Variants in SYDE2 observed in about 807,000 individuals in gnomAD.
The protein encoded by SYDE2 is synapse defective Rho GTPase homolog 2.
SYDE2 carries 76 observed loss-of-function variants against 91.5 expected under a neutral mutation model. The ratio of observed to expected loss-of-function variants is 0.83; its 90% CI spans 0.69 to 1.01. The LOEUF is 1.01. Among genes scored for constraint, SYDE2 ranks in the 50% least tolerant of loss-of-function variants. SYDE2 has a pLI of 0.00. For missense variants in SYDE2, 1,364 were observed against 1,367.7 expected, an observed-to-expected ratio of 1.00 and a Z score of 0.04; for synonymous variants, 513 against 506.4, an observed-to-expected ratio of 1.01 and a Z score of -0.18.
intron 1 of SYDE2, among the ~76,000 whole-genome samples, chr1:85,195,447 T>C (rs1211271921): frequency 6.6e-6 from 1 of 152,098 alleles, no homozygotes; most frequent in Non-Finnish European, 1.5e-5. Context: ...TCTGTGTGTG[T>C]ATATGTGTGT....
At chr1:85,163,632 T>G (rs1399338274) in intron 6 of SYDE2, among the ~76,000 whole-genome samples, 2 of 151,576 alleles carry the variant, frequency 1.3e-5, no homozygotes, top group African/African-American at 2.4e-5. Flanking sequence ...AGGTTAAAGT[T>G]TTTGTCGTAG....
chr1:85,180,812 CTG>C (rs566258430), intron 3 of SYDE2, among the ~76,000 whole-genome samples: 82 of 151,982 alleles, frequency 5.4e-4, no homozygotes, highest in Middle Eastern at 3.4e-3. Flanking sequence ...AGAAAATAGA[CTG>C]TAAAAATATA....
At position 85,182,163 on chromosome 1, in the gene SYDE2, T is replaced by C. The variant is rs1379812050; in HGVS notation, c.2479A>G (p.Ile827Val). 3 of 1,605,474 alleles carry C rather than the reference T, an allele frequency of 1.9e-6. No individual in the cohort carries two copies. Among genetic ancestry groups the C allele is most frequent in the South Asian group, 1.1e-5 (1 of 89,486 alleles). The change falls in exon 3 of 7, where the codon ATA becomes GTA. Residue 827 changes from isoleucine to valine, a missense_variant. Coordinates refer to ENST00000341460, the MANE Select transcript of SYDE2 (RefSeq NM_032184.2). ...ATCAGAAGGGGCACCATCAGTCCTA[T>C]ATTTTCTTTCTCTACAACTTTTTGA... ...DIQKVVEKEN[I>V]GLMVPLLIQK...
In SYDE2 at chr1:85,159,091, T is replaced by G. The variant is rs780950048; in HGVS notation, c.3244A>C (p.Ser1082Arg). Residue 1082 changes from serine (S) to arginine (R), a missense_variant, in exon 7 of 7, where the codon AGT becomes CGT. Ser to Arg is a moderately radical substitution (Grantham distance 110). Transcript: ENST00000341460. ...CCTGCATAACGATTGCTAAGTGGAC[T>G]GTCTAATCGGTTTTGCCTTGGCCTA... ...VLRPRQNRLD[S>R]PLSNRYAGDW... 1.9e-5 allele frequency: 15 copies of G among 780,784 alleles called. No individual in the cohort carries two copies. The highest frequency in any genetic ancestry group is 1.4e-5 in the Non-Finnish European group (6 of 417,980). The allele number at this position is 780,784 out of a possible 1,614,324, so 48.4% of individuals were successfully genotyped here.
chr1:85,160,473 T>C (rs923297434), intron 6 of SYDE2: 7 of 958,118 alleles, frequency 7.3e-6, no homozygotes, highest in East Asian at 1.2e-4. Context: ...AATTTCTTGA[T>C]CTAAAATTTT....
chr1:85,191,228 T>C (rs1302015441), intron 1 of SYDE2, among the ~76,000 whole-genome samples: 3 of 152,152 alleles, frequency 2.0e-5, no homozygotes, highest in Non-Finnish European at 4.4e-5. Context: ...TTACTAATAT[T>C]AAAATGTCAA....
At position 85,200,896 on chromosome 1, in the gene SYDE2, G is replaced by A. The variant is rs749770743; in HGVS notation, c.101C>T (p.Ser34Phe). The A allele has an allele frequency of 4.0e-4, 535 of 1,333,832 alleles. No homozygotes were observed. In the Middle Eastern group the frequency reaches 7.3e-3, roughly 18 times the overall value. The allele number at this position is 1,333,832 out of a possible 1,614,324, so 82.6% of individuals were successfully genotyped here. A position where few individuals can be genotyped will look rare whatever the true frequency, so the allele number is the denominator to read the frequency against. ...GGCTCGGCGGTACGCGGCGCCGCGG[G>A]AAGGCGGCTGGCCCGGAGCCCGGGC... ...AGARAPGQPP[S>F]RGAAYRRACP... The change falls in exon 1 of 7, where the codon TCC (serine) becomes TTC (phenylalanine). Residue 34 changes from serine to phenylalanine, a missense_variant. Ser to Phe is a radical substitution (Grantham distance 155). Transcript: ENST00000341460.
Position 85,166,898 on chromosome 1 carries a change from T to G in SYDE2, c.2854-2141A>C, listed in dbSNP as rs185585041. On this transcript the variant is annotated intron_variant, in intron 5 of 6. Transcript: ENST00000341460. ...ACTAAATAAGATAAGCCAAAAAATG[T>G]AATTGTCATGTTCCTTTTGAAAATT... is the stretch of plus-strand genomic sequence containing the variant. 2.6e-5 allele frequency among the ~76,000 whole-genome samples: 4 copies of G among 152,260 alleles called. No homozygotes were observed. In the East Asian group the frequency reaches 7.7e-4, roughly 29 times the overall value.
chr1:85,198,650 T>G (rs1658692110), intron 1 of SYDE2, among the ~76,000 whole-genome samples: 1 of 152,216 alleles, frequency 6.6e-6, no homozygotes, highest in Non-Finnish European at 1.5e-5. Flanking sequence ...GGAACTATAT[T>G]TATTACTTTA....
chr1:85,200,229 A>T, intron 1 of SYDE2, 23 bp downstream of exon 1: 1 of 1,613,628 alleles, frequency 6.2e-7, no homozygotes, highest in Non-Finnish European at 8.5e-7. Flanking sequence ...CGGTGCTAGC[A>T]TTTTCATCGC....
intron 1 of SYDE2, among the ~76,000 whole-genome samples, chr1:85,196,100 C>T (rs1658575223): frequency 6.6e-6 from 1 of 152,186 alleles, no homozygotes; most frequent in Non-Finnish European, 1.5e-5. Context: ...ATAGAGGGAA[C>T]TGCTCAAATG....
rs534667398 is a variant in SYDE2, at chr1:85,187,783, G to A, written c.1441+2274C>T. Among the ~76,000 whole-genome samples, 1,197 of 149,246 alleles carry A rather than the reference G, an allele frequency of 8.0e-3. 5 individuals are homozygous for A. The highest frequency in any genetic ancestry group is 0.034 in the Middle Eastern group (10 of 292). ...TCTCAAGGACAAAAAACCAAACACC[G>A]CATGTTCTCACTCATAGGTGGGAAT... On this transcript the variant is annotated intron_variant, in intron 2 of 6. Coordinates refer to ENST00000341460, the MANE Select transcript of SYDE2 (RefSeq NM_032184.2).
chr1:85,178,355 A>G, intron 3 of SYDE2, 83 bp from the exon 4 acceptor site: 3 of 1,270,958 alleles, frequency 2.4e-6, no homozygotes, highest in Admixed American at 2.6e-5. Context: ...GAACTTTGCA[A>G]TCAAATATGT....
intron 1 of SYDE2, among the ~76,000 whole-genome samples, chr1:85,199,322 T>A (rs567740623): frequency 6.6e-6 from 1 of 152,318 alleles, no homozygotes; most frequent in East Asian, 1.9e-4. Flanking sequence ...TTGGCTCACT[T>A]TGAAGATATT....
intron 2 of SYDE2, among the ~76,000 whole-genome samples, chr1:85,185,282 A>G (rs1050241472): frequency 6.7e-6 from 1 of 148,866 alleles, no homozygotes; most frequent in African/African-American, 2.4e-5. Flanking sequence ...ATTTATGAGA[A>G]GAATGACAGT....
At chr1:85,161,725 C>CAAAA (rs60732181) in intron 6 of SYDE2, among the ~76,000 whole-genome samples, 3 of 83,356 alleles carry the variant, frequency 3.6e-5, no homozygotes, top group Non-Finnish European at 5.3e-5. Flanking sequence ...GACTCCATCT[C>CAAAA]AAAAAAAAAA....
chr1:85,156,005 A>G (rs1656873198), downstream of SYDE2, among the ~76,000 whole-genome samples: 1 of 151,362 alleles, frequency 6.6e-6, no homozygotes, highest in Admixed American at 6.6e-5. Context: ...AGGAGAACAA[A>G]TGAACTAAAA....
At chr1:85,160,201 A>G (rs1292663454) in intron 6 of SYDE2, 1 of 982,952 alleles carries the variant, frequency 1.0e-6, no homozygotes, top group Non-Finnish European at 1.2e-6. Flanking sequence ...TAAATCAGTG[A>G]TAACACACCA....
In SYDE2 at chr1:85,157,758, TTAAGA is replaced by T. The variant is rs760565587; in HGVS notation, c.*987_*991del. On this transcript the variant is annotated 3_prime_UTR_variant, in exon 7 of 7. Transcript: ENST00000341460. ...ATGTTCTTTCCCTGAAAAAAATACT[TTAAGA>T]TAATAATTTTGGCCTCATGACATAT... The T allele has an allele frequency of 1.3e-5, 2 of 152,144 alleles. No homozygotes were observed. The highest frequency in any genetic ancestry group is 2.4e-5 in the African/African-American group (1 of 41,430). 9.4% of individuals were successfully genotyped at this position (152,144 alleles called of 1,614,324 possible). A position where few individuals can be genotyped will look rare whatever the true frequency, so the allele number is the denominator to read the frequency against.
Sources: gnomAD v4.1 joint callset for allele counts (sites outside exome capture counted in the v4.1 genomes callset) on GRCh38, gnomAD v4.1.1 for gene constraint, MANE v1.5 for transcripts, NCBI Gene and HGNC (gene_info 2026-07-23, HGNC 2026-07-21) for gene names.